Variants in EDAR observed in about 807,000 individuals in gnomAD.
EDAR encodes the protein ectodysplasin A receptor.
Under a neutral mutation model 51.3 loss-of-function variants are expected in EDAR, and 38 were observed. The observed-to-expected ratio is 0.74, with a 90% confidence interval of 0.57 to 0.97. EDAR has a LOEUF of 0.97. EDAR is among the 50% of genes least tolerant of loss of function. The pLI, the probability that EDAR is intolerant of heterozygous loss-of-function variation, is 0.00. For missense variants in EDAR, 528 were observed against 595.0 expected, an observed-to-expected ratio of 0.89 and a Z score of 1.17; for synonymous variants, 227 against 242.1, an observed-to-expected ratio of 0.94 and a Z score of 0.58.
At position 108,917,139 on chromosome 2, in the gene EDAR, C is replaced by T. The variant is rs539482658; in HGVS notation, c.443-4375G>A. On this transcript the variant is annotated intron_variant, in intron 5 of 11. Transcript: ENST00000258443. ...ATTTTCAGAGTCACAGCTCCGTGGCCGACAGGCGAGGGAAGGTGCTTGTGG... is the reference window on the plus strand; with the variant it reads ...ATTTTCAGAGTCACAGCTCCGTGGCTGACAGGCGAGGGAAGGTGCTTGTGG... Among the ~76,000 whole-genome samples the T allele has an allele frequency of 6.6e-5, 10 of 152,254 alleles. No individual in the cohort carries two copies. In the South Asian group the frequency reaches 1.0e-3, roughly 16 times the overall value.
chr2:108,906,480 C>T (rs1696809314), intron 10 of EDAR, 112 bp from the exon 11 acceptor site: 2 of 1,074,514 alleles, frequency 1.9e-6, no homozygotes, highest in Non-Finnish European at 2.8e-6. Context: ...ACCAGAGACG[C>T]TGCACACAGC....
chr2:108,917,921 G>C (rs572418316), intron 5 of EDAR, among the ~76,000 whole-genome samples: 1 of 151,832 alleles, frequency 6.6e-6, no homozygotes, highest in Non-Finnish European at 1.5e-5. Flanking sequence ...TTTTCCAGGC[G>C]AGTCAGAAAA....
At position 108,937,237 on chromosome 2, in the gene EDAR, C is replaced by T. The variant is rs113158751; in HGVS notation, c.-18-6205G>A. Among the ~76,000 whole-genome samples, 7 of 152,370 alleles carry T rather than the reference C, an allele frequency of 4.6e-5. 1 individual carries two copies. The highest frequency in any genetic ancestry group is 1.7e-4 in the African/African-American group (7 of 41,600). The stretch of plus-strand genomic sequence containing the variant: ...GCACTGAAAATCTTTCATTTGCAAA[C>T]TCCCTGGTGAAGATTTCAGGGCTAT... On this transcript the variant is annotated intron_variant, in intron 1 of 11. Transcript: ENST00000258443.
chr2:108,925,213 G>T (rs1697229904), intron 4 of EDAR, among the ~76,000 whole-genome samples: 1 of 152,246 alleles, frequency 6.6e-6, no homozygotes, highest in South Asian at 2.1e-4. Flanking sequence ...CCTTGTGCTA[G>T]GTACTAAGGA....
intron 11 of EDAR, among the ~76,000 whole-genome samples, chr2:108,904,535 A>G (rs1355530569): frequency 6.6e-6 from 1 of 152,084 alleles, no homozygotes; most frequent in Non-Finnish European, 1.5e-5. Flanking sequence ...ACCTTTATTC[A>G]TAATAGCCGT....
intron 1 of EDAR, among the ~76,000 whole-genome samples, chr2:108,959,862 G>A (rs574192940): frequency 7.2e-5 from 11 of 152,146 alleles, no homozygotes; most frequent in East Asian, 1.9e-4. Context: ...AAAAATACTC[G>A]CACATACATA....
At chr2:108,980,118 G>T (rs2104471345) in intron 1 of EDAR, among the ~76,000 whole-genome samples, 1 of 150,958 alleles carries the variant, frequency 6.6e-6, no homozygotes, top group African/African-American at 2.4e-5. Flanking sequence ...GGTGGGGTCG[G>T]GTGGGGGGCT....
rs928893721 is a variant in EDAR, at chr2:108,896,654, T to G, written c.*253A>C. ...TAATGGTGGGCTGGTGGGCTGGCTG[T>G]ATGAGTGAGTAGATATTTACTCTGC... On this transcript the variant is annotated 3_prime_UTR_variant, in exon 12 of 12. Transcript: ENST00000258443. 3.8e-6 allele frequency: 2 copies of G among 520,462 alleles called. No individual in the cohort carries two copies. The allele number at this position is 520,462 out of a possible 1,614,324, so 32.2% of individuals were successfully genotyped here.
intron 4 of EDAR, among the ~76,000 whole-genome samples, chr2:108,927,371 A>G (rs971132272): frequency 2.0e-5 from 3 of 152,224 alleles, no homozygotes; most frequent in Non-Finnish European, 4.4e-5. Flanking sequence ...CTAATTCTGC[A>G]GATGGCTGTC....
intron 2 of EDAR, 139 bp from the exon 3 acceptor site, chr2:108,930,381 G>A (rs912399024): frequency 9.5e-6 from 8 of 838,516 alleles, no homozygotes; most frequent in South Asian, 6.1e-5. Flanking sequence ...GAAGGTGCCC[G>A]CTTGTGAGTG....
intron 1 of EDAR, among the ~76,000 whole-genome samples, chr2:108,975,353 G>C (rs1698303459): frequency 6.6e-6 from 1 of 152,242 alleles, no homozygotes; most frequent in African/African-American, 2.4e-5. Flanking sequence ...GAGGCTGGGG[G>C]CAAGGGAGCT....
At chr2:108,983,611 G>A (rs1040825852) in intron 1 of EDAR, among the ~76,000 whole-genome samples, 6 of 152,264 alleles carry the variant, frequency 3.9e-5, no homozygotes, top group South Asian at 2.1e-4. Flanking sequence ...CTGCCCTGGA[G>A]TTCCCAGAGA....
At chr2:108,969,869 G>C (rs1341172041) in intron 1 of EDAR, among the ~76,000 whole-genome samples, 2 of 152,296 alleles carry the variant, frequency 1.3e-5, no homozygotes, top group East Asian at 1.9e-4. Flanking sequence ...TCCAAAAAGG[G>C]GTGAAAGAAT....
At chr2:108,905,411 C>T (rs967658020) in intron 11 of EDAR, among the ~76,000 whole-genome samples, 6 of 152,136 alleles carry the variant, frequency 3.9e-5, no homozygotes, top group African/African-American at 9.7e-5. Flanking sequence ...CACATTTCAG[C>T]GGCAGCCAAG....
chr2:108,958,537 T>G (rs1011394552), intron 1 of EDAR, among the ~76,000 whole-genome samples: 2 of 152,134 alleles, frequency 1.3e-5, no homozygotes, highest in African/African-American at 4.8e-5. Context: ...GGCAAGACCC[T>G]GGACCCAGGA....
At chr2:108,909,066 C>T (rs1696864856) in intron 9 of EDAR, among the ~76,000 whole-genome samples, 1 of 152,150 alleles carries the variant, frequency 6.6e-6, no homozygotes, top group African/African-American at 2.4e-5. Context: ...AGCTCAGTGC[C>T]TTGCTGTCTT....
At chr2:108,921,822 G>A (rs1049197706) in intron 5 of EDAR, among the ~76,000 whole-genome samples, 2 of 152,236 alleles carry the variant, frequency 1.3e-5, no homozygotes. Context: ...TGGGCAAGCC[G>A]AGGTCTGGGG....
intron 11 of EDAR, among the ~76,000 whole-genome samples, chr2:108,904,229 A>G (rs554872955): frequency 6.6e-6 from 1 of 152,312 alleles, no homozygotes; most frequent in African/African-American, 2.4e-5. Context: ...TATTTAAACA[A>G]TAGGAACATG....
intron 10 of EDAR, among the ~76,000 whole-genome samples, chr2:108,907,489 A>G (rs959736419): frequency 6.6e-6 from 1 of 151,834 alleles, no homozygotes; most frequent in Non-Finnish European, 1.5e-5. Flanking sequence ...CTACTAAAAT[A>G]TAAAAAAAAT....
Sources: allele counts gnomAD v4.1 joint callset (sites outside exome capture counted in the v4.1 genomes callset), GRCh38; gene constraint gnomAD v4.1.1; transcripts MANE v1.5; gene names NCBI Gene and HGNC (gene_info 2026-07-23, HGNC 2026-07-21).